PTPRD: variants seen among roughly 807,000 people sequenced by gnomAD.
PTPRD encodes the protein protein tyrosine phosphatase receptor type D.
In PTPRD, 34 loss-of-function variants were observed where a neutral mutation model predicts 214.5. The ratio of observed to expected loss-of-function variants is 0.16; its 90% CI spans 0.12 to 0.21. The LOEUF (loss-of-function observed/expected upper bound fraction) is 0.21, where lower values mean the gene tolerates loss of function less well. Ranked by LOEUF, PTPRD falls within the 10% of genes least tolerant of loss-of-function variation. The probability of loss-of-function intolerance (pLI) is 1.00; values close to 1 mark genes in which losing one functional copy is unlikely to be tolerated. For synonymous variants in PTPRD, 1,128 were observed against 845.7 expected (o/e 1.33, Z -5.79); for missense variants, 2,545 against 2,398.7 (o/e 1.06, Z -1.27).
intron 11 of PTPRD, among the ~76,000 whole-genome samples, chr9:8,843,024 G>A (rs2097591063): frequency 6.6e-6 from 1 of 152,124 alleles, no homozygotes; most frequent in South Asian, 2.1e-4. Flanking sequence ...CTATTTAGAT[G>A]TTAAATTACA....
chr9:9,345,493 C>T (rs1463638000), intron 9 of PTPRD, among the ~76,000 whole-genome samples: 1 of 150,232 alleles, frequency 6.7e-6, no homozygotes, highest in Non-Finnish European at 1.5e-5. Context: ...ATCACTTACT[C>T]TAAATAAAAT....
intron 5 of PTPRD, among the ~76,000 whole-genome samples, chr9:9,860,302 A>T (rs555694815): frequency 6.6e-6 from 1 of 152,346 alleles, no homozygotes; most frequent in South Asian, 2.1e-4. Context: ...ATTGTTAACA[A>T]CTTGTATGTG....
chr9:9,019,508 C>T (rs934032726), intron 10 of PTPRD, among the ~76,000 whole-genome samples: 9 of 152,110 alleles, frequency 5.9e-5, no homozygotes, highest in African/African-American at 2.2e-4. Flanking sequence ...AATTCAACAC[C>T]AGCCTGGCCA....
At chr9:10,024,412 A>C (rs961149647) in intron 4 of PTPRD, among the ~76,000 whole-genome samples, 2 of 152,102 alleles carry the variant, frequency 1.3e-5, no homozygotes, top group East Asian at 1.9e-4. Flanking sequence ...CTTATTATAT[A>C]AGTCTTTTGT....
At chr9:9,776,369 T>G (rs149063668) in intron 5 of PTPRD, among the ~76,000 whole-genome samples, 1 of 152,204 alleles carries the variant, frequency 6.6e-6, no homozygotes, top group African/African-American at 2.4e-5. Context: ...TGAACTCGTG[T>G]GCCATAACCC....
intron 5 of PTPRD, among the ~76,000 whole-genome samples, chr9:9,810,908 T>A (rs986303073): frequency 6.6e-6 from 1 of 151,486 alleles, no homozygotes; most frequent in Non-Finnish European, 1.5e-5. Flanking sequence ...TAAGAACATT[T>A]GTGATTCATG....
chr9:8,630,846 T>G (rs2154316120), intron 14 of PTPRD, among the ~76,000 whole-genome samples: 1 of 152,026 alleles, frequency 6.6e-6, no homozygotes, highest in Admixed American at 6.6e-5. Context: ...TGCTCCAATT[T>G]TTTGTTAATG....
intron 10 of PTPRD, among the ~76,000 whole-genome samples, chr9:9,141,809 TAAC>T (rs1412272960): frequency 1.1e-4 from 16 of 147,732 alleles, no homozygotes; most frequent in Non-Finnish European, 1.5e-5. Context: ...TAATAGTTAT[TAAC>T]AAAGTTTCTG....
At chr9:9,340,832 T>G (rs1273679997) in intron 9 of PTPRD, among the ~76,000 whole-genome samples, 2 of 152,212 alleles carry the variant, frequency 1.3e-5, no homozygotes, top group East Asian at 3.9e-4. Context: ...TGATTTTTCA[T>G]GAGCTGTTAC....
intron 14 of PTPRD, among the ~76,000 whole-genome samples, chr9:8,589,925 G>A (rs974626366): frequency 1.3e-5 from 2 of 152,072 alleles, no homozygotes; most frequent in Admixed American, 6.6e-5. Context: ...GAAATTTTCT[G>A]GAAGAAAATT....
rs561973562 is a variant in PTPRD at position 10,187,890 on chromosome 9, G to T, written c.-545+153073C>A. Reference sequence around the variant, plus strand: ...CTGGCTAGAATTATCTTTCCTAAATGTAGTTTGGAGTTTGGTCACTTTATT... The same window carrying T: ...CTGGCTAGAATTATCTTTCCTAAATTTAGTTTGGAGTTTGGTCACTTTATT... On this transcript the variant is annotated intron_variant, in intron 3 of 45. Transcript: ENST00000381196. 5.9e-5 allele frequency among the ~76,000 whole-genome samples: 9 copies of T among 152,320 alleles called. No individual in the cohort carries two copies. The East Asian group carries it at 1.5e-3, about 26-fold the overall frequency.
At chr9:9,306,643 T>A (rs543395552) in intron 9 of PTPRD, among the ~76,000 whole-genome samples, 1 of 150,396 alleles carries the variant, frequency 6.6e-6, no homozygotes, top group East Asian at 2.0e-4. Flanking sequence ...CTTGAGAAAA[T>A]GAAGGCACAC....
chr9:8,471,353 C>A (rs1324828582), intron 30 of PTPRD, among the ~76,000 whole-genome samples: 2 of 152,010 alleles, frequency 1.3e-5, no homozygotes, highest in African/African-American at 4.8e-5. Flanking sequence ...ACAGAGCAGG[C>A]ATAGTTTGTT....
At chr9:8,462,384 G>A (rs1449902069) in intron 32 of PTPRD, among the ~76,000 whole-genome samples, 1 of 151,890 alleles carries the variant, frequency 6.6e-6, no homozygotes, top group Non-Finnish European at 1.5e-5. Flanking sequence ...ACTATACCAA[G>A]AGCTTCTTCC....
chr9:9,318,614 T>A (rs1038770217), intron 9 of PTPRD, among the ~76,000 whole-genome samples: 2 of 152,182 alleles, frequency 1.3e-5, no homozygotes, highest in Non-Finnish European at 2.9e-5. Flanking sequence ...GAATTTAAAG[T>A]ATAATCACTT....
Position 9,424,779 on chromosome 9 carries a change from A to G in PTPRD, c.-236-27297T>C, listed in dbSNP as rs572641882. Among the ~76,000 whole-genome samples, 26 of 152,318 alleles carry G rather than the reference A, an allele frequency of 1.7e-4. No homozygotes were observed. In the East Asian group the frequency reaches 4.4e-3, roughly 26 times the overall value. ...GAAGGTCACTAGATACAAAGTCAAT[A>G]TTTTAAAATTGCACTTCTACAGACC... On this transcript the variant is annotated intron_variant, in intron 8 of 45. Transcript: ENST00000381196.
chr9:8,559,729 G>C (rs1447573584), intron 14 of PTPRD, among the ~76,000 whole-genome samples: 1 of 152,152 alleles, frequency 6.6e-6, no homozygotes, highest in East Asian at 1.9e-4. Flanking sequence ...CTTTCAAACT[G>C]ACACCTGTGT....
intron 5 of PTPRD, among the ~76,000 whole-genome samples, chr9:9,848,005 C>A (rs936480920): frequency 2.6e-5 from 4 of 152,100 alleles, no homozygotes; most frequent in African/African-American, 9.7e-5. Context: ...CCATGTGATT[C>A]ACAAGCAGCA....
Position 9,749,936 on chromosome 9 carries a change from A to C in PTPRD, c.-325-15365T>G, listed in dbSNP as rs2098499979. On this transcript the variant is annotated intron_variant, in intron 6 of 45. Transcript: ENST00000381196. Reference sequence around the variant, plus strand: ...GCAGTATTTTTTCACTGCCTATATAAAATAATAGAAGATGCTCATATGTTG... The same window carrying C: ...GCAGTATTTTTTCACTGCCTATATACAATAATAGAAGATGCTCATATGTTG... Among the ~76,000 whole-genome samples, 5 of 152,254 alleles carry C rather than the reference A, an allele frequency of 3.3e-5. No homozygotes were observed. In the South Asian group the frequency reaches 1.0e-3, roughly 32 times the overall value.
Sources: allele counts gnomAD v4.1 joint callset (sites outside exome capture counted in the v4.1 genomes callset), GRCh38; gene constraint gnomAD v4.1.1; transcripts MANE v1.5; gene names NCBI Gene and HGNC (gene_info 2026-07-23, HGNC 2026-07-21).